The following DLG2 variants were observed in gnomAD, a reference collection of about 807,000 sequenced individuals.
DLG2 encodes the protein disks large homolog 2.
DLG2 carries 45 observed loss-of-function variants against 132.5 expected under a neutral mutation model. That is an observed-to-expected ratio of 0.34 (90% confidence interval 0.27 to 0.44). The LOEUF is 0.44. DLG2 is among the 20% of genes least tolerant of loss of function. The pLI, the probability that DLG2 is intolerant of heterozygous loss-of-function variation, is 1.00. For missense variants in DLG2, 1,045 were observed against 1,196.9 expected (o/e 0.87, Z 1.87); for synonymous variants, 424 against 419.6 (o/e 1.01, Z -0.13).
chr11:85,355,116 G>A (rs1399869431), intron 3 of DLG2, among the ~76,000 whole-genome samples: 1 of 151,876 alleles, frequency 6.6e-6, no homozygotes, highest in East Asian at 1.9e-4. Flanking sequence ...AATTTTTGTG[G>A]TATATACACA....
intron 3 of DLG2, among the ~76,000 whole-genome samples, chr11:85,581,365 C>T (rs886358748): frequency 6.6e-6 from 1 of 152,030 alleles, no homozygotes; most frequent in Admixed American, 6.6e-5. Context: ...GTAATCCTCG[C>T]ACTTTCAGAG....
At chr11:84,119,640 C>T (rs1474691874) in intron 9 of DLG2, among the ~76,000 whole-genome samples, 4 of 151,836 alleles carry the variant, frequency 2.6e-5, no homozygotes, top group Non-Finnish European at 5.9e-5. Context: ...TTTTGATGTG[C>T]CCCATTTTTA....
intron 21 of DLG2, among the ~76,000 whole-genome samples, chr11:83,532,418 A>G (rs1417617888): frequency 6.6e-6 from 1 of 152,128 alleles, no homozygotes; most frequent in Non-Finnish European, 1.5e-5. Context: ...ACTTAAAGAA[A>G]CAAAAACCAC....
chr11:84,239,684 T>A (rs542897551), intron 8 of DLG2, among the ~76,000 whole-genome samples: 90 of 152,322 alleles, frequency 5.9e-4, no homozygotes, highest in African/African-American at 2.0e-3. Context: ...TTCTGAAAAT[T>A]TTTTAGTGTT....
chr11:85,387,173 C>A (rs2086414652), intron 3 of DLG2, among the ~76,000 whole-genome samples: 1 of 152,076 alleles, frequency 6.6e-6, no homozygotes, highest in African/African-American at 2.4e-5. Context: ...CAGGTGTTAG[C>A]CACCAGAATA....
At chr11:83,925,669 A>G (rs1320511251) in intron 15 of DLG2, among the ~76,000 whole-genome samples, 2 of 152,032 alleles carry the variant, frequency 1.3e-5, no homozygotes, top group Admixed American at 6.6e-5. Context: ...TTCATTTCCC[A>G]TCCAAAACCT....
chr11:85,064,763 G>T (rs767690813), intron 6 of DLG2, among the ~76,000 whole-genome samples: 5 of 151,300 alleles, frequency 3.3e-5, no homozygotes, highest in African/African-American at 1.2e-4. Context: ...AATATGGATG[G>T]GTCTTATCCA....
At chr11:83,631,224 G>T (rs904939710) in intron 19 of DLG2, 1 of 140,622 alleles carries the variant, frequency 7.1e-6, no homozygotes, top group Non-Finnish European at 1.5e-5. Flanking sequence ...ATAAGGCCAG[G>T]GGGCTCTTGT....
intron 11 of DLG2, among the ~76,000 whole-genome samples, chr11:83,981,816 G>A (rs1488181327): frequency 6.6e-6 from 1 of 152,186 alleles, no homozygotes; most frequent in Non-Finnish European, 1.5e-5. Flanking sequence ...CATGGCGATT[G>A]TCTCTTTTAA....
chr11:84,519,149 C>A (rs1453145095), intron 7 of DLG2, among the ~76,000 whole-genome samples: 2 of 152,080 alleles, frequency 1.3e-5, no homozygotes, highest in African/African-American at 4.8e-5. Flanking sequence ...CTGTCAATAC[C>A]TTAACGGTAC....
intron 18 of DLG2, among the ~76,000 whole-genome samples, chr11:83,770,779 G>T (rs1201439922): frequency 6.6e-6 from 1 of 151,922 alleles, no homozygotes; most frequent in Non-Finnish European, 1.5e-5. Flanking sequence ...AGTCAAAGAT[G>T]GAAAATACAA....
chr11:85,474,148 ATAGT>A (rs2093068222), intron 3 of DLG2, among the ~76,000 whole-genome samples: 1 of 152,066 alleles, frequency 6.6e-6, no homozygotes, highest in Admixed American at 6.5e-5. Flanking sequence ...ATTAACCAAA[ATAGT>A]TAAATTGTTA....
At chr11:83,522,689 T>C (rs904696304) in intron 21 of DLG2, among the ~76,000 whole-genome samples, 1 of 152,150 alleles carries the variant, frequency 6.6e-6, no homozygotes, top group Non-Finnish European at 1.5e-5. Flanking sequence ...AGGAACTTGC[T>C]ATCTATTCTC....
intron 7 of DLG2, among the ~76,000 whole-genome samples, chr11:84,299,341 G>A (rs1204906271): frequency 6.6e-6 from 1 of 152,178 alleles, no homozygotes; most frequent in Non-Finnish European, 1.5e-5. Flanking sequence ...AGAGATCTAG[G>A]AGGCTACAGG....
At chr11:85,026,238 T>A (rs567017009) in intron 6 of DLG2, among the ~76,000 whole-genome samples, 1 of 152,048 alleles carries the variant, frequency 6.6e-6, no homozygotes. Flanking sequence ...GGTTCTTAAA[T>A]ATGAAGAGTT....
intron 11 of DLG2, among the ~76,000 whole-genome samples, chr11:83,981,241 T>A (rs1462119813): frequency 6.6e-6 from 1 of 152,180 alleles, no homozygotes; most frequent in East Asian, 1.9e-4. Context: ...GATGCTTGCC[T>A]TTCATGTTTT....
intron 7 of DLG2, among the ~76,000 whole-genome samples, chr11:84,266,180 C>T (rs554434525): frequency 6.6e-5 from 10 of 152,260 alleles, no homozygotes; most frequent in African/African-American, 2.2e-4. Context: ...GTTAGTTTTT[C>T]GTGGCCTCCA....
At chr11:83,589,936 G>C (rs1269147405) in intron 19 of DLG2, among the ~76,000 whole-genome samples, 2 of 145,324 alleles carry the variant, frequency 1.4e-5, no homozygotes, top group African/African-American at 5.1e-5. Flanking sequence ...AACAAGAAGA[G>C]CTAACTATCC....
At chr11:83,860,155 C>T (rs1312276585) in intron 16 of DLG2, among the ~76,000 whole-genome samples, 1 of 152,128 alleles carries the variant, frequency 6.6e-6, no homozygotes, top group African/African-American at 2.4e-5. Flanking sequence ...GGGGTTGAAG[C>T]CCCCATACAG....
Sources: gnomAD v4.1 joint callset for allele counts (sites outside exome capture counted in the v4.1 genomes callset) on GRCh38, gnomAD v4.1.1 for gene constraint, MANE v1.5 for transcripts, NCBI Gene and HGNC (gene_info 2026-07-23, HGNC 2026-07-21) for gene names.